PHF21A: variants seen among roughly 807,000 people sequenced by gnomAD.
The protein encoded by PHF21A is BHC80a.
In PHF21A, 11 loss-of-function variants were observed where a neutral mutation model predicts 82.5. The observed-to-expected ratio is 0.13, with a 90% CI of 0.08 to 0.22. The LOEUF (loss-of-function observed/expected upper bound fraction) is 0.22, where lower values mean the gene tolerates loss of function less well. PHF21A is among the 10% of genes least tolerant of loss of function. The pLI is 1.00. For missense variants in PHF21A, 579 were observed against 837.8 expected (o/e 0.69, Z 3.81); for synonymous variants, 297 against 302.8 (o/e 0.98, Z 0.20).
intron 6 of PHF21A, among the ~76,000 whole-genome samples, chr11:46,065,794 G>T (rs753244051): frequency 7.2e-5 from 11 of 152,226 alleles, no homozygotes; most frequent in Non-Finnish European, 1.5e-4. Context: ...GTGTATAAGG[G>T]TGAAGGGATC....
At chr11:46,037,536 G>A (rs1377085800) in intron 6 of PHF21A, among the ~76,000 whole-genome samples, 1 of 152,010 alleles carries the variant, frequency 6.6e-6, no homozygotes, top group Non-Finnish European at 1.5e-5. Context: ...AGCTACTTGG[G>A]AGGCTGAGGC....
intron 18 of PHF21A, 79 bp downstream of exon 18, chr11:45,935,557 C>A: frequency 1.2e-6 from 1 of 822,462 alleles, no homozygotes; most frequent in South Asian, 1.4e-5. Flanking sequence ...CTGGGGCCCA[C>A]ACGTACTGTT....
At chr11:45,953,706 GT>G (rs2092381108) in intron 10 of PHF21A, 81 bp from the exon 11 acceptor site, 1 of 815,682 alleles carries the variant, frequency 1.2e-6, no homozygotes, top group Admixed American at 2.2e-5. Flanking sequence ...AATAGTAGTA[GT>G]CAAGAAGAAA....
intron 6 of PHF21A, among the ~76,000 whole-genome samples, chr11:46,048,144 C>T (rs916819029): frequency 2.6e-5 from 4 of 152,212 alleles, no homozygotes; most frequent in African/African-American, 9.7e-5. Context: ...TCCCCATTCC[C>T]CAACTACCCA....
intron 10 of PHF21A, among the ~76,000 whole-genome samples, chr11:45,963,475 C>T (rs985852195): frequency 5.4e-5 from 8 of 147,998 alleles, no homozygotes; most frequent in African/African-American, 2.5e-5. Flanking sequence ...ATAATCTAAA[C>T]TGTTAATAGT....
rs59583388 is a variant in PHF21A at position 45,968,931 on chromosome 11, CA to C, written c.702+883del. 1.8e-3 allele frequency among the ~76,000 whole-genome samples: 154 copies of C among 85,652 alleles called. 1 individual carries two copies. Among genetic ancestry groups the C allele is most frequent in the South Asian group, 5.6e-3 (16 of 2,874 alleles). The allele number at this position is 85,652 out of a possible 152,430, so 56.2% of individuals were successfully genotyped here. ...GTGCGATGGGAGCGAAACTCCATTG[CA>C]AAAAAAAAAAAAAAAAAAAAAAAAA... On this transcript the variant is annotated intron_variant, in intron 9 of 18. Transcript: ENST00000676320.
At chr11:45,946,666 C>T (rs1228163811) in intron 14 of PHF21A, among the ~76,000 whole-genome samples, 1 of 152,178 alleles carries the variant, frequency 6.6e-6, no homozygotes, top group Non-Finnish European at 1.5e-5. Context: ...TGAGCCACCG[C>T]ACCTGGCCGA....
rs546459925 is a variant in PHF21A, at chr11:46,028,845, TA to T, written c.153+47908del. Reference sequence around the variant, plus strand: ...CCTCGGCCTCCCAAAGTGCTGGGATTACAGGCGTGAGCCACCACGCCCAGCA... The same window carrying T: ...CCTCGGCCTCCCAAAGTGCTGGGATTCAGGCGTGAGCCACCACGCCCAGCA... On this transcript the variant is annotated intron_variant, in intron 6 of 18. Coordinates refer to ENST00000676320, the MANE Select transcript of PHF21A (RefSeq NM_001352027.3). 2.4e-3 allele frequency among the ~76,000 whole-genome samples: 359 copies of T among 152,350 alleles called. 1 individual carries two copies. Among genetic ancestry groups the T allele is most frequent in the Non-Finnish European group, 3.1e-3 (208 of 68,032 alleles).
At chr11:45,966,060 T>C (rs1230759170) in intron 9 of PHF21A, among the ~76,000 whole-genome samples, 1 of 152,208 alleles carries the variant, frequency 6.6e-6, no homozygotes, top group African/African-American at 2.4e-5. Context: ...GGGCTTACTC[T>C]TCCTCTGCCT....
At chr11:46,101,718 C>T (rs1593244387) in intron 1 of PHF21A, among the ~76,000 whole-genome samples, 4 of 152,220 alleles carry the variant, frequency 2.6e-5, no homozygotes, top group Admixed American at 2.6e-4. Context: ...GCCTCGCAGC[C>T]TCGACCTACC....
chr11:46,011,405 C>T (rs915170628), intron 6 of PHF21A, among the ~76,000 whole-genome samples: 54 of 152,194 alleles, frequency 3.5e-4, no homozygotes, highest in African/African-American at 1.3e-3. Flanking sequence ...AGGAGAATCG[C>T]CTGAGCCCAG....
intron 6 of PHF21A, among the ~76,000 whole-genome samples, chr11:46,066,902 G>GT (rs1289165284): frequency 6.6e-6 from 1 of 152,064 alleles, no homozygotes; most frequent in Non-Finnish European, 1.5e-5. Flanking sequence ...TACAAACACA[G>GT]TTTTTTAGTA....
intron 6 of PHF21A, among the ~76,000 whole-genome samples, chr11:45,994,220 G>C (rs2094824472): frequency 6.6e-6 from 1 of 152,196 alleles, no homozygotes; most frequent in African/African-American, 2.4e-5. Flanking sequence ...ACTGGGTAAA[G>C]TGTTGGGCTC....
chr11:45,988,914 A>G (rs2094583824), intron 6 of PHF21A, among the ~76,000 whole-genome samples: 1 of 152,216 alleles, frequency 6.6e-6, no homozygotes, highest in Admixed American at 6.5e-5. Flanking sequence ...AAGATTCTAA[A>G]GCTGCTGAAT....
At chr11:45,974,300 C>T (rs1410009749) in intron 7 of PHF21A, among the ~76,000 whole-genome samples, 1 of 152,108 alleles carries the variant, frequency 6.6e-6, no homozygotes, top group Non-Finnish European at 1.5e-5. Flanking sequence ...ACAAACCAAA[C>T]TCCTGGGTTT....
intron 7 of PHF21A, among the ~76,000 whole-genome samples, chr11:45,975,873 GC>G (rs1169604425): frequency 6.6e-6 from 1 of 151,616 alleles, no homozygotes; most frequent in Non-Finnish European, 1.5e-5. Context: ...TCTCCCCCTG[GC>G]CCCCCGATTG....
At chr11:45,974,176 T>TA (rs2093911235) in intron 7 of PHF21A, among the ~76,000 whole-genome samples, 1 of 152,204 alleles carries the variant, frequency 6.6e-6, no homozygotes, top group Non-Finnish European at 1.5e-5. Context: ...TACTGTATGC[T>TA]TCAGTGAAAA....
At chr11:45,979,337 CTTCT>C (rs2094180822) in intron 7 of PHF21A, among the ~76,000 whole-genome samples, 2 of 152,098 alleles carry the variant, frequency 1.3e-5, no homozygotes, top group Non-Finnish European at 1.5e-5. Flanking sequence ...CTTCCAAATG[CTTCT>C]TTCTATCTGG....
At chr11:46,115,947 C>G (rs2097284409) in intron 1 of PHF21A, among the ~76,000 whole-genome samples, 1 of 152,054 alleles carries the variant, frequency 6.6e-6, no homozygotes, top group Non-Finnish European at 1.5e-5. Context: ...TCATTTTTAT[C>G]TAAACAGTTA....
Sources: allele counts gnomAD v4.1 joint callset (sites outside exome capture counted in the v4.1 genomes callset), GRCh38; gene constraint gnomAD v4.1.1; transcripts MANE v1.5; gene names NCBI Gene and HGNC (gene_info 2026-07-23, HGNC 2026-07-21).